SMG7: variants seen among roughly 807,000 people sequenced by gnomAD.
SMG7 encodes the protein SMG7 nonsense mediated mRNA decay factor, also known as nonsense-mediated mRNA decay factor SMG7.
Under a neutral mutation model 148.2 loss-of-function variants are expected in SMG7, and 34 were observed. The observed-to-expected ratio is 0.23, with a 90% CI of 0.17 to 0.31. SMG7 has a LOEUF of 0.31. Ranked by LOEUF, SMG7 falls within the 10% of genes least tolerant of loss-of-function variation. The probability of loss-of-function intolerance (pLI) is 1.00; values close to 1 mark genes in which losing one functional copy is unlikely to be tolerated. For missense variants in SMG7, 1,114 were observed against 1,408.4 expected (o/e 0.79, Z 3.35); for synonymous variants, 492 against 515.1 (o/e 0.96, Z 0.61).
chr1:183,499,663 C>T (rs1217439181), intron 1 of SMG7, among the ~76,000 whole-genome samples: 1 of 152,028 alleles, frequency 6.6e-6, no homozygotes, highest in Admixed American at 6.6e-5. Flanking sequence ...GTTTTATCTT[C>T]GACTTTGTGG....
Position 183,546,352 on chromosome 1 carries a change from C to G in SMG7, c.2742+15C>G, listed in dbSNP as rs752075348. The G allele has an allele frequency of 8.8e-6, 14 of 1,591,006 alleles. No individual in the cohort carries two copies. Among genetic ancestry groups the G allele is most frequent in the South Asian group, 2.3e-5 (2 of 88,694 alleles). On this transcript the variant is annotated intron_variant, in intron 17 of 22. Transcript: ENST00000688051. ...TGCCGTTTGAGGTGTGTGTTCTTTC[C>G]TATCACCAGGCAATTTGGAGATAGG...
rs547508480 is a variant in SMG7, at chr1:183,537,221, G to A, written c.1234+6G>A. The A allele has an allele frequency of 1.3e-4, 206 of 1,599,616 alleles. 4 individuals are homozygous for A. The South Asian group carries it at 2.1e-3, about 16-fold the overall frequency. ...GGACCTCTCAAGTATTAGTGGTAAG[G>A]GCTACCCTAACCTTGTGTTGTTGAT... On this transcript the variant is annotated splice_donor_region_variant and intron_variant, in intron 11 of 22. Coordinates refer to ENST00000688051, the MANE Select transcript of SMG7 (RefSeq NM_001375584.1).
Position 183,551,908 on chromosome 1 carries a change from G to A in SMG7, c.3541G>A (p.Gly1181Ser). ...GAAGCAGAAACAGCAACGGGGACAA[G>A]GCACCATGAACCCTCCACACTGAGG... The part of the protein sequence containing the change: ...QQKQKQQRGQ[G>S]TMNPPH The change falls in exon 23 of 23, where the codon GGC becomes AGC. Residue 1181 changes from glycine (G) to serine (S), a missense_variant. Physicochemically the swap from Gly to Ser is moderately conservative, Grantham distance 56 (BLOSUM62 0). This residue lies in a region of SMG7 where 788 missense variants were observed against 894.5 expected (regional missense o/e 0.88). Transcript: ENST00000688051. The A allele has an allele frequency of 1.2e-6, 2 of 1,613,816 alleles. No homozygotes were observed. The highest frequency in any genetic ancestry group is 1.7e-6 in the Non-Finnish European group (2 of 1,179,818).
At chr1:183,511,867 A>T (rs1662230730) in intron 1 of SMG7, among the ~76,000 whole-genome samples, 1 of 152,262 alleles carries the variant, frequency 6.6e-6, no homozygotes, top group African/African-American at 2.4e-5. Flanking sequence ...TTTGGAGTTG[A>T]TAGATGTTAG....
chr1:183,504,016 A>G (rs1660344247), intron 1 of SMG7, among the ~76,000 whole-genome samples: 1 of 152,182 alleles, frequency 6.6e-6, no homozygotes, highest in East Asian at 1.9e-4. Flanking sequence ...AACAGCTGCC[A>G]TGGGCCGAGG....
intron 20 of SMG7, 172 bp downstream of exon 20, chr1:183,550,095 G>A (rs1285819582): frequency 1.7e-5 from 10 of 572,136 alleles, no homozygotes; most frequent in African/African-American, 1.2e-4. Flanking sequence ...AGAAGAAGCC[G>A]GTTTATGTAA....
At chr1:183,477,770 ATG>A (rs942637010) in intron 1 of SMG7, among the ~76,000 whole-genome samples, 36 of 152,044 alleles carry the variant, frequency 2.4e-4, no homozygotes, top group Middle Eastern at 3.4e-3. Flanking sequence ...GCATATATAC[ATG>A]TGTGTATGTG....
chr1:183,530,826 G>A (rs554632888), intron 8 of SMG7, among the ~76,000 whole-genome samples: 1 of 152,048 alleles, frequency 6.6e-6, no homozygotes, highest in African/African-American at 2.4e-5. Flanking sequence ...ATTGCTTCCA[G>A]CTCTGGTTCT....
chr1:183,502,560 G>A (rs932947072), intron 1 of SMG7, among the ~76,000 whole-genome samples: 4 of 152,130 alleles, frequency 2.6e-5, no homozygotes, highest in African/African-American at 9.7e-5. Flanking sequence ...GACTTCTTGA[G>A]AACCTTGGCT....
chr1:183,521,672 C>CA (rs1052923291), intron 4 of SMG7, among the ~76,000 whole-genome samples: 1 of 151,882 alleles, frequency 6.6e-6, no homozygotes, highest in African/African-American at 2.4e-5. Context: ...TTGAGACCAG[C>CA]CTGGGTAACG....
At chr1:183,512,957 T>C (rs1662525059) in intron 2 of SMG7, 89 bp downstream of exon 2, 3 of 1,209,066 alleles carry the variant, frequency 2.5e-6, no homozygotes, top group Non-Finnish European at 3.5e-6. Flanking sequence ...TGCACAGCAC[T>C]AAATCCCATC....
chr1:183,513,864 T>C (rs1571926273), intron 2 of SMG7, among the ~76,000 whole-genome samples: 1 of 151,742 alleles, frequency 6.6e-6, no homozygotes, highest in African/African-American at 2.4e-5. Flanking sequence ...ACCCCGTCTG[T>C]ATTAAAAATA....
At chr1:183,533,911 A>G in intron 10 of SMG7, 79 bp downstream of exon 10, 1 of 1,208,196 alleles carries the variant, frequency 8.3e-7, no homozygotes, top group Non-Finnish European at 1.2e-6. Context: ...ACTGCCTTCT[A>G]AAATACAACA....
chr1:183,552,015 G>C lies in SMG7; in HGVS notation c.*84G>C. ...GGACTGGCCCACACAGTCCCCTGCA[G>C]GTGGCAGCCCTCTTTTCTGTTTCTC... is the stretch of plus-strand genomic sequence containing the variant. On this transcript the variant is annotated 3_prime_UTR_variant, in exon 23 of 23. Coordinates refer to ENST00000688051, the MANE Select transcript of SMG7 (RefSeq NM_001375584.1). 7 of 1,454,960 alleles carry C rather than the reference G, an allele frequency of 4.8e-6. No homozygotes were observed. Among genetic ancestry groups the C allele is most frequent in the Non-Finnish European group, 6.4e-6 (7 of 1,090,496 alleles). The allele number at this position is 1,454,960 out of a possible 1,614,324, so 90.1% of individuals were successfully genotyped here. A position where few individuals can be genotyped will look rare whatever the true frequency, so the allele number is the denominator to read the frequency against.
rs1191721471 is a variant in SMG7, at chr1:183,542,325, A to C, written c.1665A>C (p.Glu555Asp). Residue 555 changes from glutamate (E) to aspartate (D), a missense_variant, in exon 14 of 23, where the codon GAA becomes GAC. Glu to Asp is a conservative substitution (Grantham distance 45). This residue lies in a region of SMG7 where 788 missense variants were observed against 894.5 expected (regional missense o/e 0.88). Coordinates refer to ENST00000688051, the MANE Select transcript of SMG7 (RefSeq NM_001375584.1). ...TCAAAGAAAACATTAAGACACGAGA[A>C]GTGAACAGAGACCAAGGAAGAAGTT... ...VTFKENIKTREVNRDQGRSFP... is the reference protein window; with the variant it reads ...VTFKENIKTRDVNRDQGRSFP... The C allele has an allele frequency of 6.2e-7, 1 of 1,614,162 alleles. No individual in the cohort carries two copies. The highest frequency in any genetic ancestry group is 8.5e-7 in the Non-Finnish European group (1 of 1,179,994).
At chr1:183,530,138 A>C (rs1666603598) in intron 8 of SMG7, among the ~76,000 whole-genome samples, 1 of 152,188 alleles carries the variant, frequency 6.6e-6, no homozygotes, top group African/African-American at 2.4e-5. Context: ...CATGTATTCA[A>C]ATAAATATTT....
intron 1 of SMG7, among the ~76,000 whole-genome samples, chr1:183,485,115 T>C (rs968318193): frequency 7.9e-5 from 12 of 152,212 alleles, no homozygotes; most frequent in African/African-American, 2.9e-4. Flanking sequence ...CTATTATTGC[T>C]CTGTTACACA....
chr1:183,543,315 G>T (rs188214325), intron 14 of SMG7, among the ~76,000 whole-genome samples: 1 of 152,238 alleles, frequency 6.6e-6, no homozygotes, highest in East Asian at 1.9e-4. Context: ...ACTTTACATT[G>T]TTGAAGGCTG....
intron 2 of SMG7, among the ~76,000 whole-genome samples, chr1:183,515,605 C>CTTTTTTTTTTTTTTTTTTT (rs35057958): frequency 8.1e-6 from 1 of 123,224 alleles, no homozygotes; most frequent in African/African-American, 2.9e-5. Context: ...GCAAACCATT[C>CTTTTTTTTTTTTTTTTTTT]TTTTTTTTTT....
Sources: gnomAD v4.1 joint callset for allele counts (sites outside exome capture counted in the v4.1 genomes callset) on GRCh38, gnomAD v4.1.1 for gene constraint, gnomAD v4.1.1 regional missense constraint, MANE v1.5 for transcripts, NCBI Gene and HGNC (gene_info 2026-07-23, HGNC 2026-07-21) for gene names.